ADCY3: variants seen among roughly 807,000 people sequenced by gnomAD.
ADCY3 encodes adenylate cyclase type 3.
A neutral mutation model predicts 119.4 loss-of-function variants in ADCY3; 70 were observed. The observed-to-expected ratio is 0.59, with a 90% confidence interval of 0.48 to 0.72. The LOEUF (loss-of-function observed/expected upper bound fraction) is 0.72. Among genes scored for constraint, ADCY3 ranks in the 30% least tolerant of loss-of-function variants. ADCY3 has a pLI of 0.00. For missense variants in ADCY3, 1,238 were observed against 1,541.6 expected (o/e 0.80, Z 3.30); for synonymous variants, 672 against 621.4 (o/e 1.08, Z -1.21).
intron 9 of ADCY3, among the ~76,000 whole-genome samples, chr2:24,835,292 T>C (rs769557685): frequency 6.6e-6 from 1 of 152,094 alleles, no homozygotes; most frequent in Non-Finnish European, 1.5e-5. Context: ...CTTCCTGCTG[T>C]ATTGATGTGG....
chr2:24,834,666 C>A lies in ADCY3; in HGVS notation c.1806-20G>T, dbSNP rs759926268. 6.2e-7 allele frequency: 1 copy of A among 1,609,602 alleles called. No individual in the cohort carries two copies. The highest frequency in any genetic ancestry group is 8.5e-7 in the Non-Finnish European group (1 of 1,176,318). On this transcript the variant is annotated intron_variant, in intron 10 of 21. Transcript: ENST00000679454. The surrounding 1 kb of genome is among the most constrained non-coding windows in gnomAD (Gnocchi z 4.2). Reference sequence around the variant, plus strand: ...TTTACTCTGCAGTGGGAACAAGCCCCATGAATCCCAAATGCCACATCTGCC... The same window carrying A: ...TTTACTCTGCAGTGGGAACAAGCCCAATGAATCCCAAATGCCACATCTGCC...
intron 2 of ADCY3, among the ~76,000 whole-genome samples, chr2:24,893,635 C>T (rs1311920179): frequency 2.0e-5 from 3 of 151,232 alleles, no homozygotes. Flanking sequence ...GACAAGGTCT[C>T]ACTCTGTCGC....
Position 24,822,423 on chromosome 2 carries a change from GTTC to G in ADCY3, c.3003+85_3003+87del. ...GTGTCTGGGACCACTTTGCACAGCAGTTCTTATTTCCCCCATGCTAGGTCTGGG... is the reference window on the plus strand; with the variant it reads ...GTGTCTGGGACCACTTTGCACAGCAGTTATTTCCCCCATGCTAGGTCTGGG... On this transcript the variant is annotated intron_variant, in intron 19 of 21. Coordinates refer to ENST00000679454, the MANE Select transcript of ADCY3 (RefSeq NM_004036.5). 6 of 1,561,778 alleles carry G rather than the reference GTTC, an allele frequency of 3.8e-6. No individual in the cohort carries two copies. In the South Asian group the frequency reaches 7.0e-5, roughly 18 times the overall value.
intron 2 of ADCY3, among the ~76,000 whole-genome samples, chr2:24,908,140 G>A (rs916723137): frequency 1.4e-4 from 22 of 152,246 alleles, no homozygotes; most frequent in African/African-American, 5.1e-4. Context: ...TGGCCAATAT[G>A]GAGAAACCCC....
intron 3 of ADCY3, among the ~76,000 whole-genome samples, chr2:24,850,984 A>G (rs1378010911): frequency 2.0e-5 from 3 of 152,252 alleles, no homozygotes; most frequent in African/African-American, 7.2e-5. Context: ...CGACCGAATT[A>G]GGGAAAACCT....
chr2:24,856,237 A>C (rs1672984581), intron 3 of ADCY3, among the ~76,000 whole-genome samples: 1 of 152,176 alleles, frequency 6.6e-6, no homozygotes, highest in Non-Finnish European at 1.5e-5. Flanking sequence ...ATGCAGCTGC[A>C]TGTACGTGTC....
intron 7 of ADCY3, 53 bp from the exon 8 acceptor site, chr2:24,838,675 C>T: frequency 1.9e-6 from 3 of 1,606,750 alleles, no homozygotes; most frequent in South Asian, 1.1e-5. Flanking sequence ...GCCCTCACAC[C>T]CCCAGGGGAC....
At chr2:24,861,286 C>A (rs1673624987) in intron 3 of ADCY3, among the ~76,000 whole-genome samples, 1 of 150,508 alleles carries the variant, frequency 6.6e-6, no homozygotes, top group Admixed American at 6.6e-5. Context: ...AGCACCTGAC[C>A]AAATAAAAAG....
rs1033467695 is a variant in ADCY3, at chr2:24,899,283, C to T, written c.675+19030G>A. Among the ~76,000 whole-genome samples, 8 of 152,236 alleles carry T rather than the reference C, an allele frequency of 5.3e-5. No homozygotes were observed. The highest frequency in any genetic ancestry group is 3.3e-4 in the Admixed American group (5 of 15,278). ...GCCTCCTTCTCCCCAAACCACCATCCGCTCTTCTGCCCTGTGAGGTGATGA... is the reference window on the plus strand; with the variant it reads ...GCCTCCTTCTCCCCAAACCACCATCTGCTCTTCTGCCCTGTGAGGTGATGA... On this transcript the variant is annotated intron_variant, in intron 2 of 21. Coordinates refer to ENST00000679454, the MANE Select transcript of ADCY3 (RefSeq NM_004036.5). The surrounding 1 kb of genome is among the most constrained non-coding windows in gnomAD (Gnocchi z 4.5).
In ADCY3 at chr2:24,914,365, C is replaced by T. The variant is rs768153110; in HGVS notation, c.675+3948G>A. ...TGGGTGACAGTGAACCAGTTATCAC[C>T]CATCTCTGTTTCGTCCTCTGTTCCC... On this transcript the variant is annotated intron_variant, in intron 2 of 21. Coordinates refer to ENST00000679454, the MANE Select transcript of ADCY3 (RefSeq NM_004036.5). 4.6e-5 allele frequency among the ~76,000 whole-genome samples: 7 copies of T among 152,268 alleles called. No homozygotes were observed. The East Asian group carries it at 5.8e-4, about 13-fold the overall frequency.
At chr2:24,884,144 T>C (rs1676732148) in intron 2 of ADCY3, among the ~76,000 whole-genome samples, 2 of 152,228 alleles carry the variant, frequency 1.3e-5, no homozygotes, top group Admixed American at 6.5e-5. Context: ...GATGCAACCC[T>C]TCTGGCGTTG....
At position 24,846,272 on chromosome 2, in the gene ADCY3, A is replaced by C. The variant is rs144615160; in HGVS notation, c.826-3888T>G. The stretch of plus-strand genomic sequence containing the variant: ...GGCACCATGCACCTGGAAAAGCTGC[A>C]GACCCTCAAAGCCAGCCTATGAAAG... On this transcript the variant is annotated intron_variant, in intron 3 of 21. Coordinates refer to ENST00000679454, the MANE Select transcript of ADCY3 (RefSeq NM_004036.5). 2.0e-3 allele frequency among the ~76,000 whole-genome samples: 303 copies of C among 152,328 alleles called. 3 individuals are homozygous for C. The highest frequency in any genetic ancestry group is 7.1e-3 in the African/African-American group (296 of 41,592).
At chr2:24,835,787 T>C (rs943795699) in intron 9 of ADCY3, among the ~76,000 whole-genome samples, 52 of 152,028 alleles carry the variant, frequency 3.4e-4, no homozygotes, top group African/African-American at 1.1e-3. Flanking sequence ...AATACAAAAA[T>C]TAGCCAGGCA....
chr2:24,829,163 C>T (rs1478373948), intron 13 of ADCY3, among the ~76,000 whole-genome samples: 1 of 151,840 alleles, frequency 6.6e-6, no homozygotes, highest in Non-Finnish European at 1.5e-5. Flanking sequence ...ATTACAGGCT[C>T]GTGCCATTGT....
At chr2:24,856,621 G>A (rs555551814) in intron 3 of ADCY3, among the ~76,000 whole-genome samples, 12 of 152,306 alleles carry the variant, frequency 7.9e-5, no homozygotes, top group Admixed American at 5.2e-4. Context: ...ATGAGGGGAC[G>A]AAGTACCACA....
In ADCY3 at chr2:24,849,748, G is replaced by A. The variant is rs553604040; in HGVS notation, c.826-7364C>T. 3.3e-5 allele frequency among the ~76,000 whole-genome samples: 5 copies of A among 152,290 alleles called. No individual in the cohort carries two copies. In the South Asian group the frequency reaches 8.3e-4, roughly 25 times the overall value. On this transcript the variant is annotated intron_variant, in intron 3 of 21. Transcript: ENST00000679454. ...AGGACACACGGAACCTGACAGAGGG[G>A]AAAGGAGGAGGGGGGTCTGGGAGAC...
At chr2:24,863,662 C>T (rs1673944913) in intron 3 of ADCY3, among the ~76,000 whole-genome samples, 1 of 152,240 alleles carries the variant, frequency 6.6e-6, no homozygotes, top group African/African-American at 2.4e-5. Context: ...GTTAGGATTA[C>T]AGGCGTTGAG....
At chr2:24,840,631 C>T (rs1363484351) in intron 6 of ADCY3, 1 of 431,584 alleles carries the variant, frequency 2.3e-6, no homozygotes, top group East Asian at 7.2e-5. Context: ...AGGAGCTTCC[C>T]TTTCCGTGTT....
intron 11 of ADCY3, 81 bp from the exon 12 acceptor site, chr2:24,831,830 G>C: frequency 2.0e-6 from 1 of 499,726 alleles, no homozygotes; most frequent in Non-Finnish European, 3.8e-6. Context: ...AAGGGACGGG[G>C]ATGGGGGCAG....
Sources: allele counts gnomAD v4.1 joint callset (sites outside exome capture counted in the v4.1 genomes callset), GRCh38; gene constraint gnomAD v4.1.1; non-coding constraint Gnocchi (gnomAD v3.1); transcripts MANE v1.5; gene names NCBI Gene and HGNC (gene_info 2026-07-23, HGNC 2026-07-21).